Variants in ZNF180 observed in about 807,000 individuals in gnomAD.
The protein encoded by ZNF180 is zinc finger protein 180.
A neutral mutation model predicts 11.8 loss-of-function variants in ZNF180; 11 were observed. That is an observed-to-expected ratio of 0.93 (90% confidence interval 0.59 to 1.55). ZNF180 has a LOEUF of 1.55. Among genes scored for constraint, ZNF180 ranks in the 40% most tolerant of loss-of-function variants. The probability of loss-of-function intolerance (pLI) is 0.00; values close to 1 mark genes in which losing one functional copy is unlikely to be tolerated. For synonymous variants in ZNF180, 287 were observed against 257.7 expected (o/e 1.11, Z -1.09); for missense variants, 773 against 781.7 (o/e 0.99, Z 0.13).
Position 44,482,168 on chromosome 19 carries a change from G to A in ZNF180, c.126+2193C>T, listed in dbSNP as rs558656961. ...TAAAAACACAAAAAATTAGCCAGGT[G>A]TGCTGGTGCATGCCTATAGTCCCAG... On this transcript the variant is annotated intron_variant, in intron 3 of 4. Coordinates refer to ENST00000592529, the MANE Select transcript of ZNF180 (RefSeq NM_001278509.3). Among the ~76,000 whole-genome samples the A allele has an allele frequency of 3.9e-5, 6 of 152,190 alleles. No individual in the cohort carries two copies. The South Asian group carries it at 6.2e-4, about 16-fold the overall frequency.
chr19:44,485,458 T>C (rs1970205574), intron 2 of ZNF180, among the ~76,000 whole-genome samples: 1 of 152,210 alleles, frequency 6.6e-6, no homozygotes, highest in Non-Finnish European at 1.5e-5. Flanking sequence ...TTTCTTTATG[T>C]ATACTTTCTT....
intron 1 of ZNF180, 112 bp from the exon 2 acceptor site, chr19:44,497,489 G>T: frequency 1.8e-6 from 2 of 1,107,114 alleles, no homozygotes; most frequent in Non-Finnish European, 2.5e-6. Context: ...CATAGCAAAT[G>T]CACTTCTGGA....
At chr19:44,499,252 C>G (rs1600101636) in intron 1 of ZNF180, among the ~76,000 whole-genome samples, 1 of 152,208 alleles carries the variant, frequency 6.6e-6, no homozygotes, top group South Asian at 2.1e-4. Flanking sequence ...CTTGCCCAAT[C>G]ATGACGGCCT....
intron 2 of ZNF180, among the ~76,000 whole-genome samples, chr19:44,486,733 C>T (rs2123467168): frequency 6.6e-6 from 1 of 152,006 alleles, no homozygotes; most frequent in South Asian, 2.1e-4. Context: ...GTGAGGCTCC[C>T]CTGTCTATAC....
intron 2 of ZNF180, among the ~76,000 whole-genome samples, chr19:44,492,621 T>C (rs2123493776): frequency 6.6e-6 from 1 of 151,984 alleles, no homozygotes; most frequent in Non-Finnish European, 1.5e-5. Context: ...AGTAAGACAG[T>C]GGTCAAATCA....
chr19:44,476,120 G>A lies in ZNF180; in HGVS notation c.*282C>T. The A allele has an allele frequency of 3.5e-6, 1 of 288,878 alleles. No homozygotes were observed. The highest frequency in any genetic ancestry group is 6.4e-6 in the Non-Finnish European group (1 of 156,040). The allele number at this position is 288,878 out of a possible 1,614,324, so 17.9% of individuals were successfully genotyped here. A position where few individuals can be genotyped will look rare whatever the true frequency, so the allele number is the denominator to read the frequency against. On this transcript the variant is annotated 3_prime_UTR_variant, in exon 5 of 5. Coordinates refer to ENST00000592529, the MANE Select transcript of ZNF180 (RefSeq NM_001278509.3). The stretch of plus-strand genomic sequence containing the variant: ...ATGATTTTCTCTGATTCAGGTCTGA[G>A]TGCTTTCTGCAAGGAAAAGTGCCAG...
chr19:44,477,368 A>G lies in ZNF180; in HGVS notation c.1032T>C (p.His344=). Residue 344 remains histidine, a synonymous_variant, in exon 5 of 5, where the codon CAT becomes CAC. Coordinates refer to ENST00000592529, the MANE Select transcript of ZNF180 (RefSeq NM_001278509.3). ...SFSWSSHLVA[H]QRTHTGEKPY... ...GTTTCTCCCCTGTGTGAGTTCTCTG[A>G]TGTGCAACAAGATGCGAGCTCCAGC... 6.2e-7 allele frequency: 1 copy of G among 1,614,022 alleles called. No homozygotes were observed. Among genetic ancestry groups the G allele is most frequent in the East Asian group, 2.2e-5 (1 of 44,852 alleles).
At position 44,487,713 on chromosome 19, in the gene ZNF180, T is replaced by TTTTG. The variant is rs561143891; in HGVS notation, c.52-3282_52-3279dup. Among the ~76,000 whole-genome samples, 272 of 152,214 alleles carry TTTTG rather than the reference T, an allele frequency of 1.8e-3. 1 individual carries two copies. Among genetic ancestry groups the TTTTG allele is most frequent in the Admixed American group, 6.1e-3 (94 of 15,292 alleles). ...GTAGCCATTCCTTATTCTTTTACTTTTTTGTTTGTTTGTTTGTTTTGGTTT... is the reference window on the plus strand; with the variant it reads ...GTAGCCATTCCTTATTCTTTTACTTTTTTGTTTGTTTGTTTGTTTGTTTTGGTTT... On this transcript the variant is annotated intron_variant, in intron 2 of 4. Transcript: ENST00000592529.
chr19:44,477,848 T>G lies in ZNF180; in HGVS notation c.552A>C (p.Ile184=). The change falls in exon 5 of 5, where the codon ATA becomes ATC. Residue 184 remains isoleucine, a synonymous_variant. Transcript: ENST00000592529. ...GTTTATGAAAATGGTTTCTTATGGG[T>G]ATAACTGGGGATGAAAATAGACTGG... is the stretch of plus-strand genomic sequence containing the variant. ...LNSSLFSSPV[I]PIRNHFHKHV... 3.1e-6 allele frequency: 5 copies of G among 1,613,982 alleles called. No individual in the cohort carries two copies. The highest frequency in any genetic ancestry group is 4.2e-6 in the Non-Finnish European group (5 of 1,180,002).
chr19:44,479,520 TC>T, intron 3 of ZNF180, 111 bp from the exon 4 acceptor site: 1 of 1,458,738 alleles, frequency 6.9e-7, no homozygotes, highest in Non-Finnish European at 9.4e-7. Context: ...CTGGGAGTTG[TC>T]CTTAAATTGT....
chr19:44,487,688 G>A (rs987491260), intron 2 of ZNF180, among the ~76,000 whole-genome samples: 2 of 152,190 alleles, frequency 1.3e-5, no homozygotes, highest in African/African-American at 4.8e-5. Context: ...TGCTTATGGA[G>A]TAGCCATTCC....
intron 3 of ZNF180, among the ~76,000 whole-genome samples, chr19:44,480,955 A>G (rs1382937041): frequency 6.6e-6 from 1 of 152,054 alleles, no homozygotes; most frequent in African/African-American, 2.4e-5. Flanking sequence ...TTTATTCTGA[A>G]CTCTCAGTCT....
At chr19:44,489,210 G>A (rs1970352480) in intron 2 of ZNF180, among the ~76,000 whole-genome samples, 3 of 50,788 alleles carry the variant, frequency 5.9e-5, no homozygotes, top group South Asian at 1.2e-3. Context: ...GGGCGCCTCT[G>A]CCCGGCCACC....
chr19:44,496,629 T>C (rs2123507007), intron 2 of ZNF180: 1 of 134,368 alleles, frequency 7.4e-6, no homozygotes, highest in African/African-American at 2.9e-5. Flanking sequence ...GCTAGGATTG[T>C]GTCACTGCAC....
chr19:44,495,146 G>A lies in ZNF180; in HGVS notation c.51+2138C>T, dbSNP rs990145498. On this transcript the variant is annotated intron_variant, in intron 2 of 4. Transcript: ENST00000592529. The surrounding 1 kb of genome is among the most constrained non-coding windows in gnomAD (Gnocchi z 4.5). ...TACCTCCCTGATTTGATGGCAAGGC[G>A]CCTGGCTCCAGTCCCTTATATATAC... 2.0e-5 allele frequency among the ~76,000 whole-genome samples: 3 copies of A among 152,212 alleles called. No individual in the cohort carries two copies. Among genetic ancestry groups the A allele is most frequent in the Admixed American group, 2.0e-4 (3 of 15,296 alleles).
chr19:44,491,389 C>T (rs1970447626), intron 2 of ZNF180, among the ~76,000 whole-genome samples: 1 of 152,364 alleles, frequency 6.6e-6, no homozygotes, highest in East Asian at 1.9e-4. Flanking sequence ...CACCCACACA[C>T]CCTGAATTTT....
At chr19:44,497,458 C>T (rs1568438756) in intron 1 of ZNF180, 81 bp from the exon 2 acceptor site, 11 of 1,390,006 alleles carry the variant, frequency 7.9e-6, no homozygotes, top group Non-Finnish European at 8.6e-6. Flanking sequence ...GCCCCTGCTC[C>T]CAGGATGCAG....
At position 44,478,051 on chromosome 19, in the gene ZNF180, T is replaced by C; in HGVS notation, c.349A>G (p.Arg117Gly). The change falls in exon 5 of 5, where the codon AGG becomes GGG. Residue 117 changes from arginine (R) to glycine (G), a missense_variant. By Grantham distance (125) the Arg-to-Gly change is moderately radical. Coordinates refer to ENST00000592529, the MANE Select transcript of ZNF180 (RefSeq NM_001278509.3). ...CATGAAGATAACCAAGGATCATCCC[T>C]TGTAAACCTTTCTATCTTCACTCCA... The part of the protein sequence containing the change: ...ANGVKIERFT[R>G]DDPWLSSCEE... 1 of 1,613,720 alleles carries C rather than the reference T, an allele frequency of 6.2e-7. No individual in the cohort carries two copies. The highest frequency in any genetic ancestry group is 8.5e-7 in the Non-Finnish European group (1 of 1,179,678).
chr19:44,480,199 T>C (rs1452392626), intron 3 of ZNF180, among the ~76,000 whole-genome samples: 4 of 152,186 alleles, frequency 2.6e-5, no homozygotes, highest in Non-Finnish European at 4.4e-5. Flanking sequence ...CTCCATCTTC[T>C]GGGCTCAAGT....
Sources: gnomAD v4.1 joint callset for allele counts (sites outside exome capture counted in the v4.1 genomes callset) on GRCh38, gnomAD v4.1.1 for gene constraint, Gnocchi (gnomAD v3.1) non-coding constraint, MANE v1.5 for transcripts, NCBI Gene and HGNC (gene_info 2026-07-23, HGNC 2026-07-21) for gene names.